The following CNTNAP2 variants were observed in gnomAD, a reference collection of about 807,000 sequenced individuals.
CNTNAP2 encodes the protein contactin-associated protein-like 2.
Under a neutral mutation model 155.2 loss-of-function variants are expected in CNTNAP2, and 98 were observed. The ratio of observed to expected loss-of-function variants is 0.63; its 90% CI spans 0.54 to 0.75. CNTNAP2 has a LOEUF of 0.75. Among genes scored for constraint, CNTNAP2 ranks in the 30% least tolerant of loss-of-function variants. CNTNAP2 has a pLI of 0.00. For synonymous variants in CNTNAP2, 651 were observed against 631.2 expected, an observed-to-expected ratio of 1.03 and a Z score of -0.47; for missense variants, 1,727 against 1,688.1, an observed-to-expected ratio of 1.02 and a Z score of -0.40.
chr7:146,165,863 A>G (rs116241885), intron 1 of CNTNAP2, among the ~76,000 whole-genome samples: 2,243 of 152,290 alleles, frequency 0.015, 60 homozygotes, highest in African/African-American at 0.051. Flanking sequence ...TTAGGTCATG[A>G]TAGTTCCCAA....
At chr7:146,470,612 C>T (rs1796783686) in intron 1 of CNTNAP2, among the ~76,000 whole-genome samples, 1 of 152,024 alleles carries the variant, frequency 6.6e-6, no homozygotes, top group East Asian at 1.9e-4. Flanking sequence ...GCTCTGTCAC[C>T]AGGCTGGAGT....
At chr7:146,791,987 A>G (rs1029763657) in intron 2 of CNTNAP2, among the ~76,000 whole-genome samples, 1 of 152,102 alleles carries the variant, frequency 6.6e-6, no homozygotes, top group East Asian at 1.9e-4. Context: ...AGTGTGGTTG[A>G]TTTCTTCAGA....
chr7:147,290,594 A>G (rs1805282893), intron 8 of CNTNAP2, among the ~76,000 whole-genome samples: 1 of 150,246 alleles, frequency 6.7e-6, no homozygotes, highest in African/African-American at 2.5e-5. Context: ...GAGGCAGGAG[A>G]ATTGCTTGAA....
At position 146,932,623 on chromosome 7, in the gene CNTNAP2, A is replaced by C. The variant is rs375423028; in HGVS notation, c.402+92719A>C. Among the ~76,000 whole-genome samples the C allele has an allele frequency of 2.6e-5, 4 of 152,150 alleles. No homozygotes were observed. In the South Asian group the frequency reaches 6.2e-4, roughly 24 times the overall value. ...AGGAGAAGGAAATAAAGGGTATTCA[A>C]TTAGGAAAAGAGGAAGTCAAATTGT... is the stretch of plus-strand genomic sequence containing the variant. On this transcript the variant is annotated intron_variant, in intron 3 of 23. Coordinates refer to ENST00000361727, the MANE Select transcript of CNTNAP2 (RefSeq NM_014141.6).
At chr7:147,759,565 G>C (rs1244236328) in intron 13 of CNTNAP2, among the ~76,000 whole-genome samples, 3 of 152,158 alleles carry the variant, frequency 2.0e-5, no homozygotes, top group Admixed American at 1.3e-4. Flanking sequence ...ACAAAAATCA[G>C]AGCTCTTACA....
At chr7:146,946,103 T>TTTCCTTCC (rs780509218) in intron 3 of CNTNAP2, among the ~76,000 whole-genome samples, 3 of 147,494 alleles carry the variant, frequency 2.0e-5, no homozygotes, top group South Asian at 2.1e-4. Flanking sequence ...CCTTTCCTTC[T>TTTCCTTCC]TTCCTTCCTT....
intron 13 of CNTNAP2, among the ~76,000 whole-genome samples, chr7:147,759,358 C>T (rs1175324457): frequency 6.6e-6 from 1 of 152,170 alleles, no homozygotes; most frequent in Non-Finnish European, 1.5e-5. Flanking sequence ...AAACTTTAGA[C>T]ATTCTGAATA....
chr7:147,446,835 G>A (rs1797747862), intron 10 of CNTNAP2, among the ~76,000 whole-genome samples: 1 of 152,156 alleles, frequency 6.6e-6, no homozygotes, highest in South Asian at 2.1e-4. Context: ...TCCACATAAA[G>A]AAGTAGCATG....
rs375075794 is a variant in CNTNAP2 at position 146,231,289 on chromosome 7, G to A, written c.97+114316G>A. Among the ~76,000 whole-genome samples the A allele has an allele frequency of 4.6e-5, 7 of 152,296 alleles. No individual in the cohort carries two copies. In the East Asian group the frequency reaches 7.7e-4, roughly 17 times the overall value. Reference sequence around the variant, plus strand: ...GGTCCCAGTTCAGAAACAAGGTAAAGCTATAGTGGTACTCTTGGCCACATC... The same window carrying A: ...GGTCCCAGTTCAGAAACAAGGTAAAACTATAGTGGTACTCTTGGCCACATC... On this transcript the variant is annotated intron_variant, in intron 1 of 23. Transcript: ENST00000361727.
intron 8 of CNTNAP2, among the ~76,000 whole-genome samples, chr7:147,271,053 C>T (rs1804738044): frequency 6.6e-6 from 1 of 151,764 alleles, no homozygotes; most frequent in African/African-American, 2.4e-5. Context: ...TGTATCTCTA[C>T]CAGCTCATTA....
At chr7:146,399,894 G>T (rs929147807) in intron 1 of CNTNAP2, among the ~76,000 whole-genome samples, 1 of 151,916 alleles carries the variant, frequency 6.6e-6, no homozygotes, top group Non-Finnish European at 1.5e-5. Context: ...AAATAAATTT[G>T]CTTGTTGCTT....
At chr7:148,008,481 A>AT (rs1802018323) in intron 15 of CNTNAP2, among the ~76,000 whole-genome samples, 2 of 152,350 alleles carry the variant, frequency 1.3e-5, no homozygotes, top group African/African-American at 4.8e-5. Flanking sequence ...TCCTCTTCTC[A>AT]TTGTACAGCT....
chr7:146,712,142 C>G (rs1801094103), intron 1 of CNTNAP2, among the ~76,000 whole-genome samples: 1 of 124,202 alleles, frequency 8.1e-6, no homozygotes, highest in East Asian at 2.4e-4. Flanking sequence ...CTTATGTATA[C>G]TATATAGTAT....
At chr7:148,038,730 C>T (rs1802615646) in intron 15 of CNTNAP2, among the ~76,000 whole-genome samples, 2 of 151,984 alleles carry the variant, frequency 1.3e-5, no homozygotes, top group Admixed American at 6.6e-5. Flanking sequence ...ATAGAAACTC[C>T]ATTAAGCAGG....
chr7:147,995,594 C>T (rs1199506738), intron 15 of CNTNAP2, among the ~76,000 whole-genome samples: 2 of 151,454 alleles, frequency 1.3e-5, no homozygotes, highest in Non-Finnish European at 2.9e-5. Flanking sequence ...GTGGTGCAAC[C>T]TCAGCTCACT....
chr7:146,942,122 C>A (rs558399728), intron 3 of CNTNAP2, among the ~76,000 whole-genome samples: 2 of 152,096 alleles, frequency 1.3e-5, no homozygotes, highest in East Asian at 3.9e-4. Flanking sequence ...TATTTAACTT[C>A]TATAACTCAT....
intron 1 of CNTNAP2, among the ~76,000 whole-genome samples, chr7:146,290,577 G>A (rs1018429024): frequency 7.9e-5 from 12 of 152,132 alleles, no homozygotes; most frequent in Admixed American, 2.0e-4. Context: ...GAACTAAAAC[G>A]TAAGATGTTT....
intron 12 of CNTNAP2, among the ~76,000 whole-genome samples, chr7:147,567,251 T>C (rs762452584): frequency 2.6e-5 from 4 of 152,034 alleles, no homozygotes; most frequent in Non-Finnish European, 5.9e-5. Context: ...ATGAGCTGAG[T>C]GTTGAAGAAC....
At chr7:147,152,017 T>C (rs1295377434) in intron 8 of CNTNAP2, among the ~76,000 whole-genome samples, 1 of 152,194 alleles carries the variant, frequency 6.6e-6, no homozygotes, top group African/African-American at 2.4e-5. Flanking sequence ...TCTTGTACTT[T>C]ACCAATGGAA....
Sources: gnomAD v4.1 joint callset for allele counts (sites outside exome capture counted in the v4.1 genomes callset) on GRCh38, gnomAD v4.1.1 for gene constraint, MANE v1.5 for transcripts, NCBI Gene and HGNC (gene_info 2026-07-23, HGNC 2026-07-21) for gene names.